VGLL3: variants seen among roughly 807,000 people sequenced by gnomAD.
VGLL3 encodes the protein transcription cofactor vestigial-like protein 3.
A neutral mutation model predicts 29.2 loss-of-function variants in VGLL3; 18 were observed. The observed-to-expected ratio is 0.62, with a 90% CI of 0.43 to 0.91. VGLL3 has a LOEUF of 0.91. Ranked by LOEUF, VGLL3 falls within the 40% of genes least tolerant of loss-of-function variation. VGLL3 has a pLI of 0.00. For synonymous variants in VGLL3, 180 were observed against 151.8 expected (o/e 1.19, Z -1.36); for missense variants, 440 against 413.2 (o/e 1.06, Z -0.56).
intron 3 of VGLL3, among the ~76,000 whole-genome samples, chr3:86,948,302 G>A (rs1704546403): frequency 6.6e-6 from 1 of 152,134 alleles, no homozygotes; most frequent in Admixed American, 6.5e-5. Flanking sequence ...TGAAACTGTT[G>A]TAAACCCAGG....
At chr3:86,978,267 G>T (rs889303083) in intron 2 of VGLL3, among the ~76,000 whole-genome samples, 2 of 152,212 alleles carry the variant, frequency 1.3e-5, no homozygotes, top group Non-Finnish European at 2.9e-5. Context: ...GCTCAGTGCA[G>T]CCACTATAAA....
chr3:86,969,005 T>C lies in VGLL3; in HGVS notation c.522A>G (p.Gly174=). 1 of 1,613,220 alleles carries C rather than the reference T, an allele frequency of 6.2e-7. No homozygotes were observed. Among genetic ancestry groups the C allele is most frequent in the Non-Finnish European group, 8.5e-7 (1 of 1,179,804 alleles). ...GGVHPDFQVT[G]PPGTFSAADP... is the part of the protein sequence containing the mutation. ...CAGCTGCAGAAAAGGTGCCAGGGGG[T>C]CCAGTGACCTGGAAGTCAGGATGAA... Residue 174 remains glycine, a synonymous_variant, in exon 3 of 4, where the codon GGA becomes GGG. Coordinates refer to ENST00000398399, the MANE Select transcript of VGLL3 (RefSeq NM_016206.4).
At chr3:86,983,397 G>T (rs1429788003) in intron 1 of VGLL3, among the ~76,000 whole-genome samples, 1 of 152,054 alleles carries the variant, frequency 6.6e-6, no homozygotes, top group African/African-American at 2.4e-5. Context: ...TTTGAGACAG[G>T]TTCTCGCTCT....
chr3:86,945,218 T>C lies in VGLL3; in HGVS notation c.*1806A>G, dbSNP rs759150257. The stretch of plus-strand genomic sequence containing the variant: ...GCGGAGTGATGAGAGTACAAAAGAG[T>C]ATATAGATCTGAAGCTCAAAAGACG... On this transcript the variant is annotated 3_prime_UTR_variant, in exon 4 of 4. Coordinates refer to ENST00000398399, the MANE Select transcript of VGLL3 (RefSeq NM_016206.4). 15 of 151,622 alleles carry C rather than the reference T, an allele frequency of 9.9e-5. No homozygotes were observed. The highest frequency in any genetic ancestry group is 2.1e-4 in the Non-Finnish European group (14 of 67,930). The allele number at this position is 151,622 out of a possible 1,614,324, so 9.4% of individuals were successfully genotyped here.
rs191510556 is a variant in VGLL3 at position 86,986,566 on chromosome 3, T to C, written c.126+4052A>G. Among the ~76,000 whole-genome samples, 10 of 152,266 alleles carry C rather than the reference T, an allele frequency of 6.6e-5. No individual in the cohort carries two copies. In the East Asian group the frequency reaches 1.7e-3, roughly 26 times the overall value. On this transcript the variant is annotated intron_variant, in intron 1 of 3. Transcript: ENST00000398399. ...TAGGGGCTGTTCTTTCTCAAAGAAG[T>C]CCTGTATAAATTTTTATAAATCTAC...
chr3:86,946,347 C>G lies in VGLL3; in HGVS notation c.*677G>C, dbSNP rs1704506860. 6.6e-6 allele frequency: 1 copy of G among 152,042 alleles called. No homozygotes were observed. The highest frequency in any genetic ancestry group is 1.5e-5 in the Non-Finnish European group (1 of 68,002). The allele number at this position is 152,042 out of a possible 1,614,324, so 9.4% of individuals were successfully genotyped here. A position where few individuals can be genotyped will look rare whatever the true frequency, so the allele number is the denominator to read the frequency against. ...TAATTGAGCTAGCATGGAATTAAATCTTTACTGAGATTCAATGTAAAAACA... is the reference window on the plus strand; with the variant it reads ...TAATTGAGCTAGCATGGAATTAAATGTTTACTGAGATTCAATGTAAAAACA... On this transcript the variant is annotated 3_prime_UTR_variant, in exon 4 of 4. Coordinates refer to ENST00000398399, the MANE Select transcript of VGLL3 (RefSeq NM_016206.4).
chr3:86,941,893 C>A lies in VGLL3; in HGVS notation c.*5131G>T, dbSNP rs997789190. On this transcript the variant is annotated 3_prime_UTR_variant, in exon 4 of 4. Transcript: ENST00000398399. ...AAGTAACATTTTGAAGTTATTGAGA[C>A]TGAGGTTTCCTTATGGACTCCACCC... is the stretch of plus-strand genomic sequence containing the variant. The A allele has an allele frequency of 3.3e-5, 5 of 152,104 alleles. No homozygotes were observed. The highest frequency in any genetic ancestry group is 7.4e-5 in the Non-Finnish European group (5 of 68,020). 9.4% of individuals were successfully genotyped at this position (152,104 alleles called of 1,614,324 possible).
chr3:86,986,974 GA>G (rs939215817), intron 1 of VGLL3, among the ~76,000 whole-genome samples: 6 of 151,588 alleles, frequency 4.0e-5, no homozygotes, highest in African/African-American at 1.5e-4. Flanking sequence ...ATCTTCATTA[GA>G]AAAAAAATTG....
rs1177958076 is a variant in VGLL3 at position 86,941,066 on chromosome 3, T to C, written c.*5958A>G. On this transcript the variant is annotated 3_prime_UTR_variant, in exon 4 of 4. Transcript: ENST00000398399. ...ACTGTATTTTTGTTGACAAAAGCAT[T>C]TCACCTTACCTAGATTTATATAATA... 4.6e-5 allele frequency: 7 copies of C among 152,354 alleles called. No individual in the cohort carries two copies. The allele number at this position is 152,354 out of a possible 1,614,324, so 9.4% of individuals were successfully genotyped here.
At chr3:86,986,990 G>C (rs1020125728) in intron 1 of VGLL3, among the ~76,000 whole-genome samples, 2 of 151,866 alleles carry the variant, frequency 1.3e-5, no homozygotes, top group East Asian at 3.9e-4. Context: ...AAATTGATTG[G>C]GGACCTAAAG....
At chr3:86,972,905 C>CA (rs5850767) in intron 2 of VGLL3, among the ~76,000 whole-genome samples, 12,191 of 151,788 alleles carry the variant, frequency 0.08, 1,287 homozygotes, top group African/African-American at 0.24. Context: ...TATTTCTAGA[C>CA]AAAAAAGAAA....
chr3:86,978,856 C>A, intron 1 of VGLL3, 54 bp from the exon 2 acceptor site: 1 of 1,498,578 alleles, frequency 6.7e-7, no homozygotes, highest in South Asian at 1.4e-5. Context: ...GAAAAGCATT[C>A]ACTAGTTAAG....
chr3:86,959,086 C>T (rs1559723175), intron 3 of VGLL3, among the ~76,000 whole-genome samples: 1 of 152,066 alleles, frequency 6.6e-6, no homozygotes, highest in Admixed American at 6.5e-5. Context: ...ACAATCTGCA[C>T]CTATTGCTTT....
intron 3 of VGLL3, among the ~76,000 whole-genome samples, chr3:86,956,123 G>C (rs972213470): frequency 1.3e-5 from 2 of 152,174 alleles, no homozygotes; most frequent in Admixed American, 1.3e-4. Flanking sequence ...TTTGCAGACT[G>C]TTCGAAAACG....
intron 1 of VGLL3, among the ~76,000 whole-genome samples, chr3:86,988,563 G>C (rs1300889963): frequency 7.3e-6 from 1 of 136,156 alleles, no homozygotes; most frequent in Non-Finnish European, 1.5e-5. Flanking sequence ...GACACTAAAA[G>C]AACAGTAGTT....
chr3:86,962,477 GTT>G (rs765455547), intron 3 of VGLL3: 22 of 985,072 alleles, frequency 2.2e-5, no homozygotes, highest in Non-Finnish European at 2.5e-5. Flanking sequence ...TCCTATGGCA[GTT>G]TTGCCTACCA....
intron 3 of VGLL3, among the ~76,000 whole-genome samples, chr3:86,957,006 T>C (rs182416585): frequency 1.8e-4 from 28 of 152,256 alleles, no homozygotes; most frequent in Admixed American, 6.5e-4. Flanking sequence ...CTTCCTTTTT[T>C]GTACTTAAAA....
At position 86,969,675 on chromosome 3, in the gene VGLL3, T is replaced by TTTTATTTATTTATTTA. The variant is rs201595037; in HGVS notation, c.404-568_404-553dup. Among the ~76,000 whole-genome samples, 168 of 145,492 alleles carry TTTTATTTATTTATTTA rather than the reference T, an allele frequency of 1.2e-3. 1 individual carries two copies. Among genetic ancestry groups the TTTTATTTATTTATTTA allele is most frequent in the African/African-American group, 3.6e-3 (141 of 39,362 alleles). On this transcript the variant is annotated intron_variant, in intron 2 of 3. Coordinates refer to ENST00000398399, the MANE Select transcript of VGLL3 (RefSeq NM_016206.4). ...TTAAGAAGAGTGTATTCCAACCTCA[T>TTTTATTTATTTATTTA]TTTATTTATTTATTTATTTATTTAT...
chr3:86,984,446 T>C (rs1263273003), intron 1 of VGLL3, among the ~76,000 whole-genome samples: 1 of 152,136 alleles, frequency 6.6e-6, no homozygotes, highest in Non-Finnish European at 1.5e-5. Flanking sequence ...GAAGAAAAAT[T>C]GCCAGTTTTG....
Sources: allele counts gnomAD v4.1 joint callset (sites outside exome capture counted in the v4.1 genomes callset), GRCh38; gene constraint gnomAD v4.1.1; transcripts MANE v1.5; gene names NCBI Gene and HGNC (gene_info 2026-07-23, HGNC 2026-07-21).